Variants in PCDHGA9 observed in about 807,000 individuals in gnomAD.
The protein encoded by PCDHGA9 is protocadherin gamma-A9.
Under a neutral mutation model 62.5 loss-of-function variants are expected in PCDHGA9, and 37 were observed. The ratio of observed to expected loss-of-function variants is 0.59; its 90% CI spans 0.46 to 0.78. The LOEUF is 0.78. Among genes scored for constraint, PCDHGA9 ranks in the 30% least tolerant of loss-of-function variants. PCDHGA9 has a pLI of 0.00. For missense variants in PCDHGA9, 1,138 were observed against 1,166.2 expected, an observed-to-expected ratio of 0.98 and a Z score of 0.35; for synonymous variants, 459 against 484.6, an observed-to-expected ratio of 0.95 and a Z score of 0.69.
At chr5:141,413,562 T>C in intron 1 of PCDHGA9, 1 of 1,613,850 alleles carries the variant, frequency 6.2e-7, no homozygotes, top group Non-Finnish European at 8.5e-7. Context: ...AAGTAACTGA[T>C]ATCAATGACA....
chr5:141,492,064 C>T (rs1562152072), intron 1 of PCDHGA9: 3 of 484,366 alleles, frequency 6.2e-6, no homozygotes, highest in Non-Finnish European at 1.1e-5. Context: ...AGCCAGCCTC[C>T]TAGGCGCCGG....
In PCDHGA9 at chr5:141,494,676, C is replaced by T. The variant is rs2099755997; in HGVS notation, c.2425-131C>T. On this transcript the variant is annotated intron_variant, in intron 1 of 3. Transcript: ENST00000573521. ...TTTGTCTTTGGAGATGAGTCCACCCCTGCCCCCTCTTAGTCCGTTTTCTTC... is the reference window on the plus strand; with the variant it reads ...TTTGTCTTTGGAGATGAGTCCACCCTTGCCCCCTCTTAGTCCGTTTTCTTC... 1.7e-5 allele frequency: 26 copies of T among 1,550,800 alleles called. No individual in the cohort carries two copies. In the South Asian group the frequency reaches 3.0e-4, roughly 18 times the overall value.
In PCDHGA9 at chr5:141,431,280, C is replaced by T. The variant is rs2097357763; in HGVS notation, c.2424+25904C>T. The T allele has an allele frequency of 1.9e-6, 3 of 1,614,146 alleles. No homozygotes were observed. Among genetic ancestry groups the T allele is most frequent in the South Asian group, 1.1e-5 (1 of 91,088 alleles). ...TCTCTGCAGAGCTACGAGCTCAGCC[C>T]GAACACTCACTTCTCCCTCATCGTG... On this transcript the variant is annotated intron_variant, in intron 1 of 3. Transcript: ENST00000573521. This position sits in a 1 kb window ranked among gnomAD's most constrained non-coding sequence, Gnocchi z 4.8.
Position 141,510,960 on chromosome 5 carries a change from G to T in PCDHGA9, c.2586G>T (p.Gly862=). The T allele has an allele frequency of 6.2e-7, 1 of 1,614,120 alleles. No individual in the cohort carries two copies. The highest frequency in any genetic ancestry group is 1.3e-5 in the African/African-American group (1 of 75,022). ...ILASASEAAD[G]SSTLGGGAGT... is the part of the protein sequence containing the mutation. ...CTGTCTCTGCAGAAGCTGCTGATGG[G>T]AGCTCCACCCTGGGAGGGGGTGCCG... Residue 862 remains glycine, a synonymous_variant, in exon 4 of 4, where the codon GGG becomes GGT. Transcript: ENST00000573521.
At chr5:141,430,743 T>C in intron 1 of PCDHGA9, 1 of 1,498,372 alleles carries the variant, frequency 6.7e-7, no homozygotes, top group Non-Finnish European at 8.9e-7. Flanking sequence ...TGAAAATAAT[T>C]CTGGAGGAAG....
rs778198822 is a variant in PCDHGA9, at chr5:141,432,802, A to C, written c.2424+27426A>C. 6.2e-7 allele frequency: 1 copy of C among 1,614,082 alleles called. No homozygotes were observed. The highest frequency in any genetic ancestry group is 1.1e-5 in the South Asian group (1 of 91,076). The stretch of plus-strand genomic sequence containing the variant: ...CGGACCTCGGCAGCCTCGAGTCTCC[A>C]GCTAACTCTGAAACCTCAGACCTCA... On this transcript the variant is annotated intron_variant, in intron 1 of 3. Transcript: ENST00000573521. This position sits in a 1 kb window ranked among gnomAD's most constrained non-coding sequence, Gnocchi z 6.0.
intron 1 of PCDHGA9, chr5:141,423,302 T>G (rs1221185261): frequency 6.2e-7 from 1 of 1,614,144 alleles, no homozygotes. Context: ...GACCTCTCGC[T>G]GTACTTGGTG....
At chr5:141,467,059 T>C (rs1157689140) in intron 1 of PCDHGA9, among the ~76,000 whole-genome samples, 2 of 151,064 alleles carry the variant, frequency 1.3e-5, no homozygotes, top group African/African-American at 2.4e-5. Context: ...TGTTTTCTTT[T>C]TTTTTTTTTT....
chr5:141,472,290 C>T (rs2099275934), intron 1 of PCDHGA9, among the ~76,000 whole-genome samples: 2 of 152,096 alleles, frequency 1.3e-5, no homozygotes, highest in Admixed American at 6.6e-5. Flanking sequence ...ACCTGTAATC[C>T]CAGCACTTTG....
At chr5:141,438,875 A>G (rs2098071820) in intron 1 of PCDHGA9, among the ~76,000 whole-genome samples, 1 of 151,738 alleles carries the variant, frequency 6.6e-6, no homozygotes. Flanking sequence ...CAAGTTGGCC[A>G]GGCTGCTCTT....
chr5:141,437,156 G>T (rs2097864365), intron 1 of PCDHGA9, among the ~76,000 whole-genome samples: 1 of 152,172 alleles, frequency 6.6e-6, no homozygotes, highest in African/African-American at 2.4e-5. Context: ...TAACATATGT[G>T]TTGATTGTTT....
intron 1 of PCDHGA9, among the ~76,000 whole-genome samples, chr5:141,435,605 C>T (rs776926758): frequency 1.1e-4 from 17 of 152,134 alleles, no homozygotes; most frequent in Non-Finnish European, 1.9e-4. Flanking sequence ...CTGCTTTTTA[C>T]ATTAAATTCC....
intron 1 of PCDHGA9, among the ~76,000 whole-genome samples, chr5:141,468,193 C>T (rs2099159672): frequency 6.6e-6 from 1 of 151,600 alleles, no homozygotes; most frequent in Non-Finnish European, 1.5e-5. Flanking sequence ...GGCATGGTGG[C>T]GGGTGCCTGT....
intron 1 of PCDHGA9, chr5:141,415,677 C>T (rs375781400): frequency 4.7e-6 from 7 of 1,499,248 alleles, no homozygotes; most frequent in Middle Eastern, 1.8e-4. Flanking sequence ...TTGAAGTTTG[C>T]GGCATGATGG....
intron 1 of PCDHGA9, chr5:141,468,556 GAT>G (rs754546771): frequency 6.6e-6 from 1 of 151,930 alleles, no homozygotes; most frequent in Non-Finnish European, 1.5e-5. Flanking sequence ...TAACATTTGT[GAT>G]ATAGTAAACA....
At chr5:141,409,075 G>A (rs1416534881) in intron 1 of PCDHGA9, 2 of 1,613,904 alleles carry the variant, frequency 1.2e-6, no homozygotes, top group East Asian at 2.2e-5. Flanking sequence ...CAAAACATAT[G>A]TTCTCATTGG....
intron 1 of PCDHGA9, chr5:141,441,889 GT>G: frequency 2.9e-6 from 1 of 346,022 alleles, no homozygotes; most frequent in South Asian, 2.6e-5. Flanking sequence ...GGTCACCAAG[GT>G]GGTGGCTGTA....
chr5:141,473,382 C>T (rs780229708), intron 1 of PCDHGA9, among the ~76,000 whole-genome samples: 3 of 152,190 alleles, frequency 2.0e-5, no homozygotes, highest in Non-Finnish European at 4.4e-5. Context: ...TGGTCCCTGC[C>T]CTCCTGGAGC....
chr5:141,501,441 A>G (rs547792017), intron 2 of PCDHGA9, among the ~76,000 whole-genome samples: 1 of 151,898 alleles, frequency 6.6e-6, no homozygotes, highest in African/African-American at 2.4e-5. Context: ...CATTTCTTCC[A>G]TTTTTACTTT....
Sources: gnomAD v4.1 joint callset for allele counts (sites outside exome capture counted in the v4.1 genomes callset) on GRCh38, gnomAD v4.1.1 for gene constraint, Gnocchi (gnomAD v3.1) non-coding constraint, MANE v1.5 for transcripts, NCBI Gene and HGNC (gene_info 2026-07-23, HGNC 2026-07-21) for gene names.